NRG3: variants seen among roughly 807,000 people sequenced by gnomAD.
The protein encoded by NRG3 is neuregulin 3, also known as pro-neuregulin-3, membrane-bound isoform.
A neutral mutation model predicts 66.9 loss-of-function variants in NRG3; 31 were observed. That is an observed-to-expected ratio of 0.46 (90% confidence interval 0.35 to 0.63). The LOEUF (loss-of-function observed/expected upper bound fraction) is 0.63, where lower values mean the gene tolerates loss of function less well. Ranked by LOEUF, NRG3 falls within the 20% of genes least tolerant of loss-of-function variation. The pLI is 0.00. For missense variants in NRG3, 910 were observed against 878.9 expected (o/e 1.04, Z -0.45); for synonymous variants, 393 against 359.4 (o/e 1.09, Z -1.06).
intron 1 of NRG3, among the ~76,000 whole-genome samples, chr10:82,017,354 T>C (rs545046189): frequency 6.6e-6 from 1 of 152,326 alleles, no homozygotes; most frequent in East Asian, 1.9e-4. Context: ...GACATTTGGG[T>C]TGGTTCCAAG....
At chr10:82,618,235 G>C (rs1462419979) in intron 2 of NRG3, among the ~76,000 whole-genome samples, 1 of 152,152 alleles carries the variant, frequency 6.6e-6, no homozygotes, top group African/African-American at 2.4e-5. Flanking sequence ...GAGCTGTGGT[G>C]CCAGACAGTG....
At chr10:82,742,916 C>G (rs2058488400) in intron 3 of NRG3, among the ~76,000 whole-genome samples, 1 of 152,088 alleles carries the variant, frequency 6.6e-6, no homozygotes, top group Admixed American at 6.6e-5. Context: ...TCTCCCCTCT[C>G]ATGAGCACAT....
intron 2 of NRG3, among the ~76,000 whole-genome samples, chr10:82,360,585 TC>T (rs1388150492): frequency 4.6e-5 from 7 of 152,218 alleles, no homozygotes; most frequent in Non-Finnish European, 1.0e-4. Context: ...AAGTAATTCT[TC>T]TTTTTCTGCA....
At chr10:82,190,744 G>A (rs181164558) in intron 1 of NRG3, among the ~76,000 whole-genome samples, 10 of 152,276 alleles carry the variant, frequency 6.6e-5, no homozygotes, top group Middle Eastern at 3.4e-3. Context: ...CAGCAAGAGC[G>A]CAGCCAAGGC....
intron 2 of NRG3, among the ~76,000 whole-genome samples, chr10:82,384,625 C>G (rs1203396154): frequency 6.6e-6 from 1 of 152,124 alleles, no homozygotes; most frequent in Non-Finnish European, 1.5e-5. Flanking sequence ...CTTTTTATGG[C>G]TGTATAGTAT....
At position 82,640,263 on chromosome 10, in the gene NRG3, T is replaced by G. The variant is rs117646983; in HGVS notation, c.954-98314T>G. On this transcript the variant is annotated intron_variant, in intron 2 of 8. Coordinates refer to ENST00000372141, the MANE Select transcript of NRG3 (RefSeq NM_001010848.4). ...AGCAAAGACATAGCATCAACCCAAA[T>G]GTTTGATCAGTGGTAGACTTGATAA... 7.7e-3 allele frequency among the ~76,000 whole-genome samples: 1,168 copies of G among 152,290 alleles called. 3 individuals carry two copies. Among genetic ancestry groups the G allele is most frequent in the Middle Eastern group, 0.031 (9 of 294 alleles).
At chr10:82,769,178 A>G (rs992150543) in intron 3 of NRG3, among the ~76,000 whole-genome samples, 4 of 152,146 alleles carry the variant, frequency 2.6e-5, no homozygotes, top group African/African-American at 9.6e-5. Flanking sequence ...TGTTTTTGCC[A>G]TTAGAAGTCA....
At chr10:82,576,705 T>C (rs1368619554) in intron 2 of NRG3, among the ~76,000 whole-genome samples, 4 of 151,842 alleles carry the variant, frequency 2.6e-5, no homozygotes, top group African/African-American at 9.7e-5. Flanking sequence ...CTCACTTCTT[T>C]ACTGTAATTG....
intron 2 of NRG3, among the ~76,000 whole-genome samples, chr10:82,519,081 A>G (rs1845959201): frequency 6.6e-6 from 1 of 152,182 alleles, no homozygotes; most frequent in African/African-American, 2.4e-5. Context: ...AATTTTGTCT[A>G]AACTTGAGGC....
chr10:82,875,894 C>T (rs1356005305), intron 4 of NRG3, among the ~76,000 whole-genome samples: 1 of 152,166 alleles, frequency 6.6e-6, no homozygotes, highest in Non-Finnish European at 1.5e-5. Context: ...AAAGTGTTTA[C>T]ACAAAGTCAT....
At chr10:82,159,749 A>C (rs944417129) in intron 1 of NRG3, among the ~76,000 whole-genome samples, 1 of 151,940 alleles carries the variant, frequency 6.6e-6, no homozygotes, top group African/African-American at 2.4e-5. Flanking sequence ...TGTGAGATGC[A>C]GCAGAATCAA....
At chr10:82,499,206 C>T (rs1456557631) in intron 2 of NRG3, among the ~76,000 whole-genome samples, 1 of 152,138 alleles carries the variant, frequency 6.6e-6, no homozygotes. Flanking sequence ...AAAGAGCCAA[C>T]ATGTATTCCC....
chr10:82,871,099 G>C (rs893843447), intron 4 of NRG3, among the ~76,000 whole-genome samples: 1 of 152,158 alleles, frequency 6.6e-6, no homozygotes, highest in South Asian at 2.1e-4. Flanking sequence ...TTTTTGTGAA[G>C]AGTGTAAGGT....
chr10:82,308,455 A>C (rs897824699), intron 1 of NRG3, among the ~76,000 whole-genome samples: 7 of 151,966 alleles, frequency 4.6e-5, no homozygotes, highest in African/African-American at 1.7e-4. Flanking sequence ...AATATCCCGT[A>C]TGGCTTCTAC....
intron 3 of NRG3, among the ~76,000 whole-genome samples, chr10:82,840,564 G>T (rs980957382): frequency 2.6e-5 from 4 of 152,040 alleles, no homozygotes; most frequent in African/African-American, 9.7e-5. Flanking sequence ...ATTCTATTTT[G>T]CCCAATTAGG....
intron 1 of NRG3, among the ~76,000 whole-genome samples, chr10:82,268,201 A>G (rs999982391): frequency 3.9e-5 from 6 of 152,122 alleles, no homozygotes; most frequent in African/African-American, 1.4e-4. Context: ...AGTGCCTATA[A>G]GAGTGCTTTT....
chr10:82,268,613 A>G (rs2134283060), intron 1 of NRG3, among the ~76,000 whole-genome samples: 1 of 152,220 alleles, frequency 6.6e-6, no homozygotes, highest in Admixed American at 6.6e-5. Context: ...CAGCAGGTCC[A>G]AGTGTCATTG....
At chr10:82,106,851 G>A (rs2067096957) in intron 1 of NRG3, among the ~76,000 whole-genome samples, 1 of 152,110 alleles carries the variant, frequency 6.6e-6, no homozygotes, top group Admixed American at 6.6e-5. Flanking sequence ...ATATTTCTGA[G>A]AAGATGCACT....
intron 3 of NRG3, among the ~76,000 whole-genome samples, chr10:82,812,880 CA>C (rs1330537878): frequency 6.6e-6 from 1 of 152,150 alleles, no homozygotes; most frequent in Non-Finnish European, 1.5e-5. Flanking sequence ...GATAACCAGA[CA>C]AAATTTGAAT....
Sources: gnomAD v4.1 joint callset for allele counts (sites outside exome capture counted in the v4.1 genomes callset) on GRCh38, gnomAD v4.1.1 for gene constraint, MANE v1.5 for transcripts, NCBI Gene and HGNC (gene_info 2026-07-23, HGNC 2026-07-21) for gene names.